NECAP1: variants seen among roughly 807,000 people sequenced by gnomAD.
NECAP1 encodes the protein NECAP endocytosis associated 1.
Under a neutral mutation model 33.4 loss-of-function variants are expected in NECAP1, and 13 were observed. The ratio of observed to expected loss-of-function variants is 0.39; its 90% confidence interval spans 0.25 to 0.62. The LOEUF (loss-of-function observed/expected upper bound fraction) is 0.62. Ranked by LOEUF, NECAP1 falls within the 20% of genes least tolerant of loss-of-function variation. The pLI, the probability that NECAP1 is intolerant of heterozygous loss-of-function variation, is 0.52. For missense variants in NECAP1, 272 were observed against 347.4 expected, an observed-to-expected ratio of 0.78 and a Z score of 1.73; for synonymous variants, 109 against 125.2, an observed-to-expected ratio of 0.87 and a Z score of 0.86.
At chr12:8,092,834 T>A in intron 5 of NECAP1, 38 bp from the exon 6 acceptor site, 1 of 1,587,208 alleles carries the variant, frequency 6.3e-7, no homozygotes, top group Non-Finnish European at 8.6e-7. Context: ...CATAAGCCTA[T>A]GACATCTTTC....
chr12:8,092,458 C>G (rs2120484720), intron 4 of NECAP1: 1 of 502,976 alleles, frequency 2.0e-6, no homozygotes, highest in East Asian at 3.4e-5. Context: ...AGGGGCAATT[C>G]TAATACGTAT....
At chr12:8,086,036 A>G (rs983836793) in intron 1 of NECAP1, among the ~76,000 whole-genome samples, 6 of 152,096 alleles carry the variant, frequency 3.9e-5, no homozygotes, top group Admixed American at 2.0e-4. Context: ...AATGGGCATA[A>G]TGCCTGGCAC....
chr12:8,086,609 G>A (rs755581616), intron 1 of NECAP1, among the ~76,000 whole-genome samples: 41 of 151,698 alleles, frequency 2.7e-4, no homozygotes, highest in South Asian at 4.1e-4. Context: ...GCAGGACTGC[G>A]TCTCAAAACA....
Position 8,092,946 on chromosome 12 carries a change from C to T in NECAP1, c.567C>T (p.Pro189=). The part of the protein sequence containing the change: ...ARGGGLSLLP[P]PPGGKVTIPP... The stretch of plus-strand genomic sequence containing the variant: ...GTGGGGGTCTGAGCTTACTCCCACC[C>T]CCGCCAGGAGGCAAAGTCACTATTC... The change falls in exon 6 of 8, where the codon CCC becomes CCT. Residue 189 remains proline (P), a synonymous_variant. Coordinates refer to ENST00000339754, the MANE Select transcript of NECAP1 (RefSeq NM_015509.4). The T allele has an allele frequency of 6.2e-7, 1 of 1,605,630 alleles. No individual in the cohort carries two copies. The highest frequency in any genetic ancestry group is 1.1e-5 in the South Asian group (1 of 89,452).
chr12:8,082,430 G>A (rs1039486921), intron 1 of NECAP1, 47 bp downstream of exon 1: 1 of 1,535,614 alleles, frequency 6.5e-7, no homozygotes. Context: ...TGTCGCAGAT[G>A]ACAGCTTCCT....
rs753768942 is a variant in NECAP1 at position 8,096,352 on chromosome 12, A to T, written c.*262A>T. 2.5e-6 allele frequency: 1 copy of T among 395,576 alleles called. No individual in the cohort carries two copies. Among genetic ancestry groups the T allele is most frequent in the East Asian group, 3.8e-5 (1 of 26,016 alleles). The allele number at this position is 395,576 out of a possible 1,614,324, so 24.5% of individuals were successfully genotyped here. A position where few individuals can be genotyped will look rare whatever the true frequency, so the allele number is the denominator to read the frequency against. ...GATCTTATCATAGTTTTGGCTGACT[A>T]TGCAGGGCTTAAAAGGCCAGCGTCT... On this transcript the variant is annotated 3_prime_UTR_variant, in exon 8 of 8. Transcript: ENST00000339754.
rs751097499 is a variant in NECAP1, at chr12:8,093,064, A to G, written c.676+9A>G. On this transcript the variant is annotated intron_variant, in intron 6 of 7. Coordinates refer to ENST00000339754, the MANE Select transcript of NECAP1 (RefSeq NM_015509.4). ...TGGAGGCAGTGATGCAGGTAAATCT[A>G]GTACTTCTAATTTTGAGAAATCCAA... The G allele has an allele frequency of 1.2e-6, 2 of 1,612,032 alleles. No homozygotes were observed. Among genetic ancestry groups the G allele is most frequent in the Admixed American group, 1.7e-5 (1 of 59,818 alleles).
intron 1 of NECAP1, among the ~76,000 whole-genome samples, chr12:8,088,500 CAGA>C (rs1947512673): frequency 6.6e-6 from 1 of 152,118 alleles, no homozygotes; most frequent in Non-Finnish European, 1.5e-5. Context: ...TAAATATATC[CAGA>C]ATATAGCCAC....
chr12:8,090,169 A>T (rs1198035601), intron 2 of NECAP1, 26 bp from the exon 3 acceptor site: 16 of 1,612,728 alleles, frequency 9.9e-6, no homozygotes, highest in Non-Finnish European at 1.4e-5. Flanking sequence ...TGCTTTACTC[A>T]AAAAAGTCTT....
intron 4 of NECAP1, chr12:8,092,210 G>A (rs1395774677): frequency 6.4e-6 from 2 of 313,918 alleles, no homozygotes; most frequent in Non-Finnish European, 1.2e-5. Flanking sequence ...TGTGACTTTT[G>A]CAACATTTCT....
rs1224867483 is a variant in NECAP1, at chr12:8,096,446, A to C, written c.*356A>C. ...TCTTTTAATTTCTTTAACTTATTTC[A>C]AAATCATCTCATGACCCTTGTGTGC... On this transcript the variant is annotated 3_prime_UTR_variant, in exon 8 of 8. Coordinates refer to ENST00000339754, the MANE Select transcript of NECAP1 (RefSeq NM_015509.4). The C allele has an allele frequency of 1.6e-5, 3 of 189,422 alleles. No homozygotes were observed. The highest frequency in any genetic ancestry group is 7.0e-5 in the African/African-American group (3 of 42,948). 11.7% of individuals were successfully genotyped at this position (189,422 alleles called of 1,614,324 possible). A position where few individuals can be genotyped will look rare whatever the true frequency, so the allele number is the denominator to read the frequency against.
chr12:8,086,959 AC>A (rs1947496246), intron 1 of NECAP1, among the ~76,000 whole-genome samples: 3 of 151,730 alleles, frequency 2.0e-5, no homozygotes, highest in Non-Finnish European at 4.4e-5. Context: ...ACACACACAC[AC>A]AAATAAATAA....
At position 8,093,070 on chromosome 12, in the gene NECAP1, T is replaced by C. The variant is rs1450036543; in HGVS notation, c.676+15T>C. On this transcript the variant is annotated intron_variant, in intron 6 of 7. Transcript: ENST00000339754. ...CAGTGATGCAGGTAAATCTAGTACT[T>C]CTAATTTTGAGAAATCCAATCTTAT... The C allele has an allele frequency of 2.5e-6, 4 of 1,610,286 alleles. No individual in the cohort carries two copies. The highest frequency in any genetic ancestry group is 3.4e-6 in the Non-Finnish European group (4 of 1,177,278).
At chr12:8,091,712 T>G (rs768139351) in intron 3 of NECAP1, 57 bp from the exon 4 acceptor site, 2 of 1,515,052 alleles carry the variant, frequency 1.3e-6, no homozygotes, top group East Asian at 2.3e-5. Flanking sequence ...TGCCGGGGGT[T>G]GGGGGCTCCT....
At position 8,089,493 on chromosome 12, in the gene NECAP1, C is replaced by A. The variant is rs374020780; in HGVS notation, c.96-443C>A. ...TTCAGTTGATTCTGCCTCAGCCTCC[C>A]AAGGGATTTCAGGCGCACGCCACCA... On this transcript the variant is annotated intron_variant, in intron 1 of 7. Coordinates refer to ENST00000339754, the MANE Select transcript of NECAP1 (RefSeq NM_015509.4). 1.1e-4 allele frequency: 17 copies of A among 157,102 alleles called. No individual in the cohort carries two copies. In the South Asian group the frequency reaches 2.6e-3, roughly 24 times the overall value. The allele number at this position is 157,102 out of a possible 1,614,324, so 9.7% of individuals were successfully genotyped here.
intron 1 of NECAP1, among the ~76,000 whole-genome samples, chr12:8,087,366 G>A (rs1487136347): frequency 6.6e-6 from 1 of 151,586 alleles, no homozygotes; most frequent in Non-Finnish European, 1.5e-5. Flanking sequence ...TTTAGATTAG[G>A]TCTTGGAGTA....
At chr12:8,091,595 G>C in intron 3 of NECAP1, 174 bp from the exon 4 acceptor site, 1 of 607,552 alleles carries the variant, frequency 1.6e-6, no homozygotes, top group South Asian at 1.9e-5. Flanking sequence ...GAGCTCAGGT[G>C]GTCATGCAAG....
At chr12:8,088,956 C>T (rs1286523563) in intron 1 of NECAP1, 8 of 152,200 alleles carry the variant, frequency 5.3e-5, no homozygotes, top group Non-Finnish European at 8.8e-5. Context: ...CTACCCCAAC[C>T]ACCCTCTTGA....
rs2120485560 is a variant in NECAP1, at chr12:8,092,714, A to G, written c.422A>G (p.Gln141Arg). ...KQESEISKESQEMDARPKLDL... is the reference protein window; with the variant it reads ...KQESEISKESREMDARPKLDL... ...GAATCTGAGATTTCCAAGGAATCTC[A>G]AGAAATGGATGCTCGTCCTAAGTTG... The change falls in exon 5 of 8, where the codon CAA (glutamine) becomes CGA (arginine). Residue 141 changes from glutamine to arginine, a missense_variant. By Grantham distance (43) the Gln-to-Arg change is conservative (BLOSUM62 1). Transcript: ENST00000339754. 1 of 1,613,878 alleles carries G rather than the reference A, an allele frequency of 6.2e-7. No individual in the cohort carries two copies. The highest frequency in any genetic ancestry group is 1.1e-5 in the South Asian group (1 of 91,032).
Sources: gnomAD v4.1 joint callset for allele counts (sites outside exome capture counted in the v4.1 genomes callset) on GRCh38, gnomAD v4.1.1 for gene constraint, MANE v1.5 for transcripts, NCBI Gene and HGNC (gene_info 2026-07-23, HGNC 2026-07-21) for gene names.